The following PTPN9 variants were observed in gnomAD, a reference collection of about 807,000 sequenced individuals.
PTPN9 encodes the protein tyrosine-protein phosphatase non-receptor type 9.
In PTPN9, 26 loss-of-function variants were observed where a neutral mutation model predicts 69.8. The ratio of observed to expected loss-of-function variants is 0.37; its 90% CI spans 0.27 to 0.52. The LOEUF is 0.52. Ranked by LOEUF, PTPN9 falls within the 20% of genes least tolerant of loss-of-function variation. The probability of loss-of-function intolerance (pLI) is 0.91; values close to 1 mark genes in which losing one functional copy is unlikely to be tolerated. For missense variants in PTPN9, 549 were observed against 740.3 expected (o/e 0.74, Z 3.00); for synonymous variants, 274 against 272.5 (o/e 1.01, Z -0.05).
intron 1 of PTPN9, among the ~76,000 whole-genome samples, chr15:75,568,002 A>C (rs2075133759): frequency 6.6e-6 from 1 of 151,938 alleles, no homozygotes; most frequent in Non-Finnish European, 1.5e-5. Flanking sequence ...TCTCAAAAAA[A>C]AAAAAAAAGA....
chr15:75,564,928 C>T (rs2075120253), intron 1 of PTPN9, among the ~76,000 whole-genome samples: 1 of 151,672 alleles, frequency 6.6e-6, no homozygotes, highest in Non-Finnish European at 1.5e-5. Context: ...ATGGTGAAAC[C>T]CCGTCTCTAC....
chr15:75,511,579 T>C (rs1181989479), intron 5 of PTPN9, among the ~76,000 whole-genome samples: 1 of 152,176 alleles, frequency 6.6e-6, no homozygotes, highest in Non-Finnish European at 1.5e-5. Flanking sequence ...CTATCTGAAG[T>C]TGATTTTTGA....
At chr15:75,522,342 C>T (rs2074908994) in intron 4 of PTPN9, among the ~76,000 whole-genome samples, 1 of 152,004 alleles carries the variant, frequency 6.6e-6, no homozygotes, top group African/African-American at 2.4e-5. Flanking sequence ...TACTTCTGGG[C>T]TTCTCCCTGA....
At chr15:75,515,426 C>CAAA (rs34643551) in intron 5 of PTPN9, among the ~76,000 whole-genome samples, 16 of 69,256 alleles carry the variant, frequency 2.3e-4, no homozygotes, top group African/African-American at 3.7e-4. Context: ...GACTCCGTCT[C>CAAA]AAAAAAAAAA....
At chr15:75,559,673 C>A (rs2075095063) in intron 1 of PTPN9, among the ~76,000 whole-genome samples, 1 of 150,406 alleles carries the variant, frequency 6.6e-6, no homozygotes, top group Non-Finnish European at 1.5e-5. Context: ...AAACCAGAGA[C>A]CTTTGTTCAC....
intron 4 of PTPN9, among the ~76,000 whole-genome samples, chr15:75,521,478 T>C (rs931564452): frequency 6.6e-5 from 10 of 150,742 alleles, no homozygotes; most frequent in Non-Finnish European, 1.5e-4. Context: ...AAAAAAAATA[T>C]TTTTTTAATT....
In PTPN9 at chr15:75,523,180, C is replaced by G. The variant is rs760497443; in HGVS notation, c.363G>C (p.Lys121Asn). The G allele has an allele frequency of 6.2e-7, 1 of 1,614,126 alleles. No individual in the cohort carries two copies. The highest frequency in any genetic ancestry group is 8.5e-7 in the Non-Finnish European group (1 of 1,180,024). ...LFTARLHHPHKSVQHVVLQAL... is the reference protein window; with the variant it reads ...LFTARLHHPHNSVQHVVLQAL... ...CCTGAAGTACCACATGTTGGACTGACTTGTGGGGATGATGCAACCTGGCAG... is the reference window on the plus strand; with the variant it reads ...CCTGAAGTACCACATGTTGGACTGAGTTGTGGGGATGATGCAACCTGGCAG... The change falls in exon 4 of 13, where the codon AAG becomes AAC. Residue 121 changes from lysine to asparagine, a missense_variant. Lys to Asn is a moderately conservative substitution (Grantham distance 94). This residue lies in a region of PTPN9 where 457 missense variants were observed against 661.9 expected (regional missense o/e 0.69). Coordinates refer to ENST00000618819, the MANE Select transcript of PTPN9 (RefSeq NM_002833.4).
At position 75,466,220 on chromosome 15, in the gene PTPN9, G is replaced by T. The variant is rs754481199; in HGVS notation, c.*2549C>A. Reference sequence around the variant, plus strand: ...ATACCTACCTCAAAAGGTTGTTGAGGGTGAATGAGATGATACCTAGAAATT... The same window carrying T: ...ATACCTACCTCAAAAGGTTGTTGAGTGTGAATGAGATGATACCTAGAAATT... On this transcript the variant is annotated 3_prime_UTR_variant, in exon 13 of 13. Transcript: ENST00000618819. 2 of 152,144 alleles carry T rather than the reference G, an allele frequency of 1.3e-5. No individual in the cohort carries two copies. Among genetic ancestry groups the T allele is most frequent in the Non-Finnish European group, 2.9e-5 (2 of 68,044 alleles). 9.4% of individuals were successfully genotyped at this position (152,144 alleles called of 1,614,324 possible). A position where few individuals can be genotyped will look rare whatever the true frequency, so the allele number is the denominator to read the frequency against.
rs1255662252 is a variant in PTPN9 at position 75,470,740 on chromosome 15, A to G, written c.1299T>C (p.Asn433=). The change falls in exon 11 of 13, where the codon AAT becomes AAC. Residue 433 remains asparagine (N), a synonymous_variant. Coordinates refer to ENST00000618819, the MANE Select transcript of PTPN9 (RefSeq NM_002833.4). ...AATGATTCATGTTCTCCACGCCTAG[A>G]TTGGTCACTGTGAGGAAGCCAAATC... The part of the protein sequence containing the change: ...RIRFGFLTVT[N]LGVENMNHYK... 1 of 1,614,184 alleles carries G rather than the reference A, an allele frequency of 6.2e-7. No homozygotes were observed. Among genetic ancestry groups the G allele is most frequent in the Admixed American group, 1.7e-5 (1 of 60,026 alleles).
chr15:75,558,525 C>T (rs1379721026), intron 1 of PTPN9, among the ~76,000 whole-genome samples: 2 of 151,934 alleles, frequency 1.3e-5, no homozygotes, highest in African/African-American at 2.4e-5. Flanking sequence ...CCCCCTCCCC[C>T]TCTCCCCACG....
At chr15:75,551,072 C>G (rs1350413320) in intron 1 of PTPN9, among the ~76,000 whole-genome samples, 1 of 152,172 alleles carries the variant, frequency 6.6e-6, no homozygotes, top group African/African-American at 2.4e-5. Flanking sequence ...TTCAACCTTT[C>G]CAACAGGCCC....
intron 7 of PTPN9, among the ~76,000 whole-genome samples, chr15:75,505,116 T>A (rs199725085): frequency 1.3e-5 from 2 of 152,112 alleles, no homozygotes; most frequent in South Asian, 2.1e-4. Flanking sequence ...TGTACTAAGA[T>A]AAATTCTTCT....
chr15:75,511,047 TA>T (rs1308515230), intron 5 of PTPN9, among the ~76,000 whole-genome samples: 1 of 152,212 alleles, frequency 6.6e-6, no homozygotes, highest in Non-Finnish European at 1.5e-5. Flanking sequence ...GTCTCAGAAT[TA>T]CATTGCTTTC....
intron 9 of PTPN9, among the ~76,000 whole-genome samples, chr15:75,479,424 C>G (rs895511859): frequency 1.3e-5 from 2 of 152,144 alleles, no homozygotes; most frequent in African/African-American, 4.8e-5. Flanking sequence ...GTATAGGAAC[C>G]AGCCTAGGCC....
At chr15:75,524,422 T>A (rs2074918602) in intron 2 of PTPN9, 124 bp from the exon 3 acceptor site, 1 of 538,618 alleles carries the variant, frequency 1.9e-6, no homozygotes, top group East Asian at 3.1e-5. Flanking sequence ...ATAAATTTCA[T>A]AACTAAATAA....
intron 9 of PTPN9, among the ~76,000 whole-genome samples, chr15:75,475,262 T>G (rs187647919): frequency 6.6e-6 from 1 of 152,168 alleles, no homozygotes; most frequent in South Asian, 2.1e-4. Context: ...AAGATACTTG[T>G]GGGCTACCAA....
intron 8 of PTPN9, among the ~76,000 whole-genome samples, chr15:75,486,946 G>A (rs2074681883): frequency 6.6e-6 from 1 of 151,808 alleles, no homozygotes. Context: ...CACCACACCT[G>A]GCTAATTTTT....
At chr15:75,509,714 T>G (rs1288646608) in intron 5 of PTPN9, among the ~76,000 whole-genome samples, 1 of 152,092 alleles carries the variant, frequency 6.6e-6, no homozygotes, top group Admixed American at 6.5e-5. Flanking sequence ...CTGGGCACAG[T>G]GGCTCACGCC....
intron 4 of PTPN9, among the ~76,000 whole-genome samples, chr15:75,520,481 GATGT>G (rs2074898027): frequency 1.3e-5 from 1 of 76,626 alleles, no homozygotes; most frequent in African/African-American, 6.1e-5. Context: ...TAGATAGATA[GATGT>G]GTGTGTGTTT....
Sources: gnomAD v4.1 joint callset for allele counts (sites outside exome capture counted in the v4.1 genomes callset) on GRCh38, gnomAD v4.1.1 for gene constraint, gnomAD v4.1.1 regional missense constraint, MANE v1.5 for transcripts, NCBI Gene and HGNC (gene_info 2026-07-23, HGNC 2026-07-21) for gene names.